PCLO: variants seen among roughly 807,000 people sequenced by gnomAD.
PCLO encodes the protein piccolo presynaptic cytomatrix protein.
A neutral mutation model predicts 427.5 loss-of-function variants in PCLO; 82 were observed. The observed-to-expected ratio is 0.19, with a 90% CI of 0.16 to 0.23. The LOEUF (loss-of-function observed/expected upper bound fraction) is 0.23, where lower values mean the gene tolerates loss of function less well. PCLO is among the 10% of genes least tolerant of loss of function. PCLO has a pLI of 1.00. For synonymous variants in PCLO, 2,357 were observed against 2,155.4 expected (o/e 1.09, Z -2.59); for missense variants, 6,239 against 6,115.9 (o/e 1.02, Z -0.67).
intron 3 of PCLO, among the ~76,000 whole-genome samples, chr7:83,092,986 A>C (rs1354961600): frequency 1.3e-5 from 2 of 151,390 alleles, no homozygotes; most frequent in East Asian, 3.9e-4. Flanking sequence ...ATTTCAATGG[A>C]TATCAAATAA....
chr7:82,969,905 A>G (rs1795863497), intron 3 of PCLO, among the ~76,000 whole-genome samples: 1 of 152,172 alleles, frequency 6.6e-6, no homozygotes, highest in Non-Finnish European at 1.5e-5. Context: ...ATATGTTAAT[A>G]AATTGTGAAT....
At chr7:82,808,721 G>C (rs1791507382) in intron 20 of PCLO, among the ~76,000 whole-genome samples, 1 of 151,856 alleles carries the variant, frequency 6.6e-6, no homozygotes, top group South Asian at 2.1e-4. Flanking sequence ...GGAAATTTTA[G>C]GCAGTTAGAA....
chr7:82,901,191 GATC>G (rs976314765), intron 9 of PCLO, among the ~76,000 whole-genome samples: 4 of 151,760 alleles, frequency 2.6e-5, no homozygotes, highest in African/African-American at 7.3e-5. Context: ...TCATATTAAT[GATC>G]ATGTCATCAA....
At chr7:82,780,799 C>A (rs1443886235) in intron 22 of PCLO, among the ~76,000 whole-genome samples, 1 of 152,190 alleles carries the variant, frequency 6.6e-6, no homozygotes, top group African/African-American at 2.4e-5. Context: ...AAGACAGTAT[C>A]TGTTACAAAA....
At position 82,958,752 on chromosome 7, in the gene PCLO, T is replaced by G. The variant is rs1295452842; in HGVS notation, c.4018-1817A>C. Among the ~76,000 whole-genome samples the G allele has an allele frequency of 2.0e-5, 3 of 152,300 alleles. No individual in the cohort carries two copies. The East Asian group carries it at 5.8e-4, about 30-fold the overall frequency. ...TGATGAGCACTTCACTCATTTCAGC[T>G]CCTTTCTCATACTGAAGTGGCAAGC... On this transcript the variant is annotated intron_variant, in intron 4 of 24. Transcript: ENST00000333891.
chr7:82,896,953 CAGA>C (rs1312064676), intron 9 of PCLO, among the ~76,000 whole-genome samples: 2 of 151,480 alleles, frequency 1.3e-5, no homozygotes, highest in Non-Finnish European at 3.0e-5. Flanking sequence ...TTTCAAAAAT[CAGA>C]AGAATTTCTT....
chr7:83,031,776 C>G (rs1425167301), intron 3 of PCLO, among the ~76,000 whole-genome samples: 2 of 151,548 alleles, frequency 1.3e-5, no homozygotes, highest in East Asian at 3.9e-4. Context: ...CACGCTCACA[C>G]ACACAAACAC....
chr7:83,158,732 TACAAA>T (rs1792361230), intron 1 of PCLO, among the ~76,000 whole-genome samples: 1 of 152,050 alleles, frequency 6.6e-6, no homozygotes, highest in Non-Finnish European at 1.5e-5. Flanking sequence ...ATGTACTTCC[TACAAA>T]TATAAGTTGT....
Position 82,954,839 on chromosome 7 carries a change from T to C in PCLO, c.6114A>G (p.Glu2038=). ...TACCCAGGTCCACTATCTCATGGCT[T>C]TCTGGGATGATAAAAGAGCTTGAAA... ...DIVSSSFIIP[E]SHEIVDLGTM... is the part of the protein sequence containing the mutation. The change falls in exon 5 of 25, where the codon GAA becomes GAG. Residue 2038 remains glutamate (E), a synonymous_variant. Coordinates refer to ENST00000333891, the MANE Select transcript of PCLO (RefSeq NM_033026.6). 1.9e-6 allele frequency: 3 copies of C among 1,613,914 alleles called. No homozygotes were observed. The highest frequency in any genetic ancestry group is 2.5e-6 in the Non-Finnish European group (3 of 1,179,842).
Position 82,915,255 on chromosome 7 carries a change from C to T in PCLO, c.12731G>A (p.Gly4244Asp), listed in dbSNP as rs1159117954. 1.2e-6 allele frequency: 2 copies of T among 1,613,248 alleles called. No individual in the cohort carries two copies. Among genetic ancestry groups the T allele is most frequent in the African/African-American group, 2.7e-5 (2 of 74,840 alleles). The change falls in exon 7 of 25, where the codon GGC (glycine) becomes GAC (aspartate). Residue 4244 changes from glycine (G) to aspartate (D), a missense_variant. Gly to Asp is a moderately conservative substitution (Grantham distance 94). Around this residue, in one of 5 missense-constraint regions of PCLO, gnomAD observed 680 missense variants for 677.3 expected, o/e 1.00. Transcript: ENST00000333891. The stretch of plus-strand genomic sequence containing the variant: ...TTGGTCTGTAATATTTTTTCTGAGG[C>T]CAAAAGTGATGTCATCTTGAAGGAG... ...ARLLQDDITFGLRKNITDQQK... is the reference protein window; with the variant it reads ...ARLLQDDITFDLRKNITDQQK...
chr7:83,160,138 A>T (rs1290927734), intron 1 of PCLO, among the ~76,000 whole-genome samples: 1 of 152,170 alleles, frequency 6.6e-6, no homozygotes, highest in Non-Finnish European at 1.5e-5. Flanking sequence ...AACTCAAACA[A>T]AAACATTCAT....
intron 3 of PCLO, among the ~76,000 whole-genome samples, chr7:83,040,213 G>A (rs1048705584): frequency 6.6e-6 from 1 of 152,064 alleles, no homozygotes; most frequent in African/African-American, 2.4e-5. Context: ...CAGACACTTA[G>A]TATTTATTTG....
intron 1 of PCLO, among the ~76,000 whole-genome samples, chr7:83,160,065 G>A (rs957690052): frequency 6.6e-6 from 1 of 152,134 alleles, no homozygotes; most frequent in South Asian, 2.1e-4. Flanking sequence ...ATCGGTGACA[G>A]TGTCACCCAT....
intron 3 of PCLO, among the ~76,000 whole-genome samples, chr7:83,108,281 T>A (rs1790918800): frequency 6.6e-6 from 1 of 152,134 alleles, no homozygotes; most frequent in Non-Finnish European, 1.5e-5. Flanking sequence ...TCTAAGTCCA[T>A]ATTTACTTAG....
intron 3 of PCLO, among the ~76,000 whole-genome samples, chr7:83,057,349 T>TATATATATATATA (rs1347132682): frequency 8.4e-4 from 16 of 19,078 alleles, no homozygotes; most frequent in Admixed American, 1.3e-3. Flanking sequence ...TATATATATA[T>TATATATATATATA]TTTTTTTTTT....
chr7:83,084,080 T>C (rs1790170848), intron 3 of PCLO, among the ~76,000 whole-genome samples: 1 of 152,076 alleles, frequency 6.6e-6, no homozygotes, highest in African/African-American at 2.4e-5. Context: ...CTTCCAAATG[T>C]CCAACTTTGT....
intron 2 of PCLO, among the ~76,000 whole-genome samples, chr7:83,152,666 T>C (rs913563183): frequency 6.6e-6 from 1 of 152,314 alleles, no homozygotes; most frequent in East Asian, 1.9e-4. Flanking sequence ...ATGTCCTATA[T>C]CTATTGAAAT....
chr7:83,098,101 A>G (rs1194313361), intron 3 of PCLO, among the ~76,000 whole-genome samples: 3 of 152,092 alleles, frequency 2.0e-5, no homozygotes, highest in Non-Finnish European at 4.4e-5. Flanking sequence ...GGTAAGATAA[A>G]TCTCTCTCAA....
chr7:82,843,625 C>T (rs1048755166), intron 13 of PCLO, among the ~76,000 whole-genome samples: 7 of 151,216 alleles, frequency 4.6e-5, no homozygotes, highest in African/African-American at 1.7e-4. Flanking sequence ...TGAGGTAATC[C>T]ATGTTAATTA....
Sources: allele counts gnomAD v4.1 joint callset (sites outside exome capture counted in the v4.1 genomes callset), GRCh38; gene constraint gnomAD v4.1.1; regional missense constraint gnomAD v4.1.1; transcripts MANE v1.5; gene names NCBI Gene and HGNC (gene_info 2026-07-23, HGNC 2026-07-21).